Variants in SYNE1 observed in about 807,000 individuals in gnomAD.
SYNE1 encodes the protein spectrin repeat containing nuclear envelope protein 1.
A neutral mutation model predicts 1,111.0 loss-of-function variants in SYNE1; 616 were observed. The ratio of observed to expected loss-of-function variants is 0.55; its 90% CI spans 0.52 to 0.59. The LOEUF is 0.59. Among genes scored for constraint, SYNE1 ranks in the 20% least tolerant of loss-of-function variants. The pLI is 0.00. For missense variants in SYNE1, 10,006 were observed against 10,417.0 expected (o/e 0.96, Z 1.72); for synonymous variants, 3,855 against 3,825.8 (o/e 1.01, Z -0.28).
chr6:152,461,487 A>G, intron 21 of SYNE1, 110 bp downstream of exon 21: 1 of 1,371,292 alleles, frequency 7.3e-7, no homozygotes, highest in African/African-American at 1.4e-5. Context: ...TTAGAAACAA[A>G]AGCATCGTTA....
Position 152,597,062 on chromosome 6 carries a change from T to TA in SYNE1, c.67+31202dup, listed in dbSNP as rs554351279. 1.1e-3 allele frequency among the ~76,000 whole-genome samples: 171 copies of TA among 152,330 alleles called. 1 individual carries two copies. Among genetic ancestry groups the TA allele is most frequent in the Admixed American group, 2.7e-3 (41 of 15,298 alleles). On this transcript the variant is annotated intron_variant, in intron 3 of 145. Transcript: ENST00000367255. Reference sequence around the variant, plus strand: ...AATCATAGGTATTTCTCTAATAGCATAAAAAATTTTTGTTAAATTGATATG... The same window carrying TA: ...AATCATAGGTATTTCTCTAATAGCATAAAAAAATTTTTGTTAAATTGATATG...
At chr6:152,170,534 C>A (rs1050348009) in intron 130 of SYNE1, among the ~76,000 whole-genome samples, 1 of 152,198 alleles carries the variant, frequency 6.6e-6, no homozygotes, top group African/African-American at 2.4e-5. Flanking sequence ...CTGTGCTCAT[C>A]GCATCAATGC....
intron 110 of SYNE1, among the ~76,000 whole-genome samples, 188 bp from the exon 111 acceptor site, chr6:152,234,988 C>T (rs770391627): frequency 8.5e-5 from 13 of 152,146 alleles, no homozygotes; most frequent in Non-Finnish European, 1.8e-4. Context: ...CTCTGGGTTT[C>T]CGCTGGCCTG....
At chr6:152,364,717 G>GAAGT (rs1181518945) in intron 63 of SYNE1, 130 bp downstream of exon 63, 3 of 1,033,726 alleles carry the variant, frequency 2.9e-6, no homozygotes, top group African/African-American at 1.6e-5. Flanking sequence ...AGGAAGGAAG[G>GAAGT]AAGGAAGGAA....
rs142233887 is a variant in SYNE1, at chr6:152,496,528, C to T, written c.939+2214G>A. ...CAATTCACACAAAACCACATCCAGG[C>T]CATCACCAATCATTCTATATGACAA... is the stretch of plus-strand genomic sequence containing the variant. On this transcript the variant is annotated intron_variant, in intron 11 of 145. Transcript: ENST00000367255. Among the ~76,000 whole-genome samples the T allele has an allele frequency of 4.6e-5, 7 of 152,228 alleles. No homozygotes were observed. In the East Asian group the frequency reaches 1.4e-3, roughly 29 times the overall value.
intron 130 of SYNE1, among the ~76,000 whole-genome samples, chr6:152,172,324 G>T (rs1482739881): frequency 6.6e-6 from 1 of 152,160 alleles, no homozygotes; most frequent in African/African-American, 2.4e-5. Flanking sequence ...AGATAGATGA[G>T]TTATACGGCA....
intron 66 of SYNE1, among the ~76,000 whole-genome samples, chr6:152,357,244 T>C (rs1169363861): frequency 6.6e-6 from 1 of 152,170 alleles, no homozygotes; most frequent in African/African-American, 2.4e-5. Context: ...TCACCTAGTG[T>C]TGGGTCCCAT....
intron 64 of SYNE1, among the ~76,000 whole-genome samples, chr6:152,361,543 G>A (rs1282583517): frequency 6.6e-6 from 1 of 152,184 alleles, no homozygotes; most frequent in Non-Finnish European, 1.5e-5. Context: ...TATTCAGGGT[G>A]AGGTGATACA....
chr6:152,413,609 G>A, intron 41 of SYNE1, 78 bp from the exon 42 acceptor site: 3 of 1,437,514 alleles, frequency 2.1e-6, no homozygotes, highest in South Asian at 1.2e-5. Context: ...AGTATATGAT[G>A]AGTCCATAAA....
At chr6:152,635,325 C>G (rs1279440428) in intron 2 of SYNE1, among the ~76,000 whole-genome samples, 5 of 152,198 alleles carry the variant, frequency 3.3e-5, no homozygotes, top group African/African-American at 1.2e-4. Context: ...CTGGGTCAGT[C>G]TGAAGCTGTT....
intron 2 of SYNE1, among the ~76,000 whole-genome samples, chr6:152,630,123 A>G (rs2099695417): frequency 6.6e-6 from 1 of 151,568 alleles, no homozygotes; most frequent in Admixed American, 6.6e-5. Context: ...TTTTTAGCCT[A>G]TTATCTAAAA....
rs1403855429 is a variant in SYNE1, at chr6:152,637,171, G to T, written c.-392+18C>A. On this transcript the variant is annotated intron_variant, in intron 1 of 145. Transcript: ENST00000367255. ...AAGAGCTGGGGGCGGGGACCCGGAG[G>T]CTCGCAGGCTTCCCTACCTCCTGGA... 2 of 152,450 alleles carry T rather than the reference G, an allele frequency of 1.3e-5. No homozygotes were observed. Among genetic ancestry groups the T allele is most frequent in the Non-Finnish European group, 2.9e-5 (2 of 68,230 alleles). 9.4% of individuals were successfully genotyped at this position (152,450 alleles called of 1,614,324 possible).
At position 152,376,497 on chromosome 6, in the gene SYNE1, G is replaced by A. The variant is rs549779256; in HGVS notation, c.9208C>T (p.Arg3070Ter). The change falls in exon 58 of 146, where the codon CGA becomes TGA. Residue 3070 changes from arginine (R) to a stop codon, truncating the protein, a stop_gained. Transcript: ENST00000367255. LOFTEE classifies it high-confidence loss of function. The stretch of plus-strand genomic sequence containing the variant: ...TGCTGGAAATCCCTGAAGGCCTTTC[G>A]AAATCTTTGCTGTAAAATCTGTTCT... ...NKEQILQQRF[R>*]KAFRDFQQWL... The A allele has an allele frequency of 6.2e-6, 10 of 1,614,106 alleles. No homozygotes were observed. The highest frequency in any genetic ancestry group is 2.7e-5 in the African/African-American group (2 of 75,022).
In SYNE1 at chr6:152,416,715, C is replaced by T. The variant is rs369176646; in HGVS notation, c.5722G>A (p.Asp1908Asn). The change falls in exon 41 of 146, where the codon GAC (aspartate) becomes AAC (asparagine). Residue 1908 changes from aspartate (D) to asparagine (N), a missense_variant. Transcript: ENST00000367255. ...GCATTTTGAAGAGCATCATTGAGGT[C>T]CTTTTCTATCAAATCAGACTCGTTC... is the stretch of plus-strand genomic sequence containing the variant. Reference protein sequence around the residue: ...NKNESDLIEKDLNDALQNAKA... With the variant: ...NKNESDLIEKNLNDALQNAKA... The T allele has an allele frequency of 6.2e-7, 1 of 1,614,228 alleles. No individual in the cohort carries two copies. The highest frequency in any genetic ancestry group is 8.5e-7 in the Non-Finnish European group (1 of 1,180,044).
rs929905214 is a variant in SYNE1 at position 152,526,260 on chromosome 6, G to C, written c.130-85C>G. The C allele has an allele frequency of 5.0e-6, 7 of 1,404,158 alleles. No individual in the cohort carries two copies. In the East Asian group the frequency reaches 1.6e-4, roughly 32 times the overall value. The allele number at this position is 1,404,158 out of a possible 1,614,324, so 87.0% of individuals were successfully genotyped here. A position where few individuals can be genotyped will look rare whatever the true frequency, so the allele number is the denominator to read the frequency against. On this transcript the variant is annotated intron_variant, in intron 4 of 145. Coordinates refer to ENST00000367255, the MANE Select transcript of SYNE1 (RefSeq NM_182961.4). ...TCTCTCTCTCACCTTTGTTACTTAT[G>C]GTGGTGAAATTTGTAGGAGAGGCTT...
chr6:152,634,934 A>T (rs75825811), intron 2 of SYNE1, among the ~76,000 whole-genome samples: 368 of 152,384 alleles, frequency 2.4e-3, no homozygotes, highest in Non-Finnish European at 3.9e-3. Flanking sequence ...CATGCCTGTC[A>T]CATTCAGACC....
intron 13 of SYNE1, 117 bp from the exon 14 acceptor site, chr6:152,483,366 G>A: frequency 1.1e-6 from 1 of 877,048 alleles, no homozygotes; most frequent in Non-Finnish European, 1.8e-6. Context: ...TTCAGGCTAA[G>A]TTAATAAATA....
At chr6:152,308,453 T>C (rs757110864) in intron 91 of SYNE1, 36 bp downstream of exon 91, 2 of 1,613,964 alleles carry the variant, frequency 1.2e-6, no homozygotes, top group South Asian at 2.2e-5. Flanking sequence ...TCAAGCCAGT[T>C]TCCTGCCCTC....
intron 4 of SYNE1, among the ~76,000 whole-genome samples, chr6:152,532,528 TA>T (rs2099208899): frequency 1.3e-5 from 2 of 152,296 alleles, no homozygotes; most frequent in South Asian, 4.1e-4. Flanking sequence ...ATGCCACAGT[TA>T]AGTATTTACT....
Sources: gnomAD v4.1 joint callset for allele counts (sites outside exome capture counted in the v4.1 genomes callset) on GRCh38, gnomAD v4.1.1 for gene constraint, MANE v1.5 for transcripts, NCBI Gene and HGNC (gene_info 2026-07-23, HGNC 2026-07-21) for gene names.